STAP1: variants seen among roughly 807,000 people sequenced by gnomAD.
The protein encoded by STAP1 is signal transducing adaptor family member 1.
A neutral mutation model predicts 37.8 loss-of-function variants in STAP1; 30 were observed. That is an observed-to-expected ratio of 0.79 (90% CI 0.59 to 1.08). The LOEUF (loss-of-function observed/expected upper bound fraction) is 1.08. STAP1 is among the 50% of genes least tolerant of loss of function. The pLI is 0.00. For missense variants in STAP1, 357 were observed against 349.4 expected, an observed-to-expected ratio of 1.02 and a Z score of -0.17; for synonymous variants, 130 against 116.0, an observed-to-expected ratio of 1.12 and a Z score of -0.78.
intron 7 of STAP1, among the ~76,000 whole-genome samples, chr4:67,592,769 G>A (rs191235842): frequency 5.9e-5 from 9 of 152,100 alleles, no homozygotes; most frequent in African/African-American, 1.2e-4. Flanking sequence ...ATGCAGCCTC[G>A]AACTCCTGGA....
chr4:67,593,142 C>G, intron 7 of STAP1, 118 bp from the exon 8 acceptor site: 1 of 658,928 alleles, frequency 1.5e-6, no homozygotes, highest in South Asian at 2.2e-5. Flanking sequence ...TATGGTCATA[C>G]AGTAAGCCAT....
chr4:67,582,123 G>A (rs894133854), intron 5 of STAP1, among the ~76,000 whole-genome samples: 1 of 151,796 alleles, frequency 6.6e-6, no homozygotes, highest in South Asian at 2.1e-4. Flanking sequence ...ACTGAAACCC[G>A]CCAACCATCA....
chr4:67,560,643 G>GGGTGTGT (rs370510074), intron 1 of STAP1, among the ~76,000 whole-genome samples: 130 of 149,602 alleles, frequency 8.7e-4, no homozygotes, highest in African/African-American at 2.8e-3. Context: ...TGTGTGTGTG[G>GGGTGTGT]GTGTGTGTCT....
chr4:67,568,038 C>T (rs1280980520), intron 1 of STAP1, among the ~76,000 whole-genome samples: 3 of 151,988 alleles, frequency 2.0e-5, no homozygotes, highest in African/African-American at 7.3e-5. Context: ...AGAGTTCTAC[C>T]AAGAGCATAA....
chr4:67,589,590 CTTAA>C (rs1410338621), intron 6 of STAP1, among the ~76,000 whole-genome samples: 6 of 152,282 alleles, frequency 3.9e-5, no homozygotes, highest in South Asian at 4.1e-4. Flanking sequence ...AGGACAAATG[CTTAA>C]TTAGTGTGTC....
intron 7 of STAP1, 33 bp downstream of exon 7, chr4:67,590,986 T>A: frequency 1.3e-6 from 2 of 1,540,762 alleles, no homozygotes; most frequent in South Asian, 2.3e-5. Flanking sequence ...GTTGATGAAC[T>A]TCCTCCCGAT....
chr4:67,602,472 C>T (rs545944998), intron 8 of STAP1, among the ~76,000 whole-genome samples: 13 of 152,160 alleles, frequency 8.5e-5, no homozygotes, highest in African/African-American at 3.1e-4. Context: ...TTTGTTTGTA[C>T]CCATCCTTCT....
chr4:67,568,391 A>G (rs1158651160), intron 1 of STAP1, among the ~76,000 whole-genome samples: 1 of 152,208 alleles, frequency 6.6e-6, no homozygotes, highest in Non-Finnish European at 1.5e-5. Context: ...CATGTTTATT[A>G]AAATAACAGG....
rs757407635 is a variant in STAP1, at chr4:67,590,946, A to G, written c.722A>G (p.Glu241Gly). 2 of 1,609,972 alleles carry G rather than the reference A, an allele frequency of 1.2e-6. No individual in the cohort carries two copies. The highest frequency in any genetic ancestry group is 1.1e-5 in the South Asian group (1 of 90,656). ...SVGQNYTIELEKPVTLPNLFS... is the reference protein window; with the variant it reads ...SVGQNYTIELGKPVTLPNLFS... The stretch of plus-strand genomic sequence containing the variant: ...GGACAAAACTACACTATTGAACTGG[A>G]AAAACCTGTAAGTAACTATTTTTGT... Residue 241 changes from glutamate (E) to glycine (G), a missense_variant, in exon 7 of 9, where the codon GAA becomes GGA. Coordinates refer to ENST00000265404, the MANE Select transcript of STAP1 (RefSeq NM_012108.4).
intron 8 of STAP1, among the ~76,000 whole-genome samples, chr4:67,593,825 G>A (rs1728170705): frequency 6.6e-6 from 1 of 152,210 alleles, no homozygotes; most frequent in South Asian, 2.1e-4. Flanking sequence ...ATTCCACTAT[G>A]AAGGCAGAAG....
At chr4:67,595,902 A>G (rs1481041726) in intron 8 of STAP1, among the ~76,000 whole-genome samples, 2 of 152,200 alleles carry the variant, frequency 1.3e-5, no homozygotes, top group African/African-American at 2.4e-5. Context: ...TGAAGAATGC[A>G]ATATATTGGT....
intron 8 of STAP1, among the ~76,000 whole-genome samples, chr4:67,600,202 C>A (rs1728310559): frequency 6.6e-6 from 1 of 152,022 alleles, no homozygotes; most frequent in Admixed American, 6.6e-5. Context: ...TCTTGAATTG[C>A]CATTTTGATT....
rs3032636 is a variant in STAP1 at position 67,588,039 on chromosome 4, TAAAA to T, written c.660-2822_660-2819del. Among the ~76,000 whole-genome samples the T allele has an allele frequency of 1.4e-3, 123 of 85,632 alleles. 1 individual carries two copies. Among genetic ancestry groups the T allele is most frequent in the Non-Finnish European group, 1.9e-3 (90 of 47,852 alleles). 56.2% of individuals were successfully genotyped at this position (85,632 alleles called of 152,430 possible). ...GCACCCGGCTGGGGACACATTTTCT[TAAAA>T]AAAAAAAAAAAAAAAAAAAAAAGAC... is the stretch of plus-strand genomic sequence containing the variant. On this transcript the variant is annotated intron_variant, in intron 6 of 8. Transcript: ENST00000265404.
rs749627899 is a variant in STAP1, at chr4:67,593,318, A to C, written c.788A>C (p.Asn263Thr). The C allele has an allele frequency of 1.4e-5, 22 of 1,613,276 alleles. No homozygotes were observed. In the Middle Eastern group the frequency reaches 4.9e-4, roughly 36 times the overall value. The change falls in exon 8 of 9, where the codon AAT (asparagine) becomes ACT (threonine). Residue 263 changes from asparagine to threonine, a missense_variant. Physicochemically the swap from Asn to Thr is moderately conservative, Grantham distance 65. Transcript: ENST00000265404. ...TATTTTGTGAAGGAGACTCGAGGAA[A>C]TTTAAGACCATTTATATGTTCAACT... ...IDYFVKETRG[N>T]LRPFICSTDE... is the part of the protein sequence containing the mutation.
At chr4:67,605,918 A>AT (rs1482166819) in intron 8 of STAP1, among the ~76,000 whole-genome samples, 1 of 152,090 alleles carries the variant, frequency 6.6e-6, no homozygotes, top group Non-Finnish European at 1.5e-5. Flanking sequence ...AGAAAATAAG[A>AT]TTTTTTTGAT....
chr4:67,583,967 A>C (rs1241911796), intron 6 of STAP1, among the ~76,000 whole-genome samples: 3 of 151,996 alleles, frequency 2.0e-5, no homozygotes, highest in Non-Finnish European at 4.4e-5. Context: ...GCGTGGTGGC[A>C]CGTGCCTGTA....
chr4:67,566,476 G>T (rs1727473607), intron 1 of STAP1, among the ~76,000 whole-genome samples: 4 of 152,172 alleles, frequency 2.6e-5, no homozygotes, highest in African/African-American at 4.8e-5. Context: ...CAGATTAAGA[G>T]CCACAAGCTG....
chr4:67,579,558 C>T (rs974763094), intron 4 of STAP1, among the ~76,000 whole-genome samples: 1 of 152,144 alleles, frequency 6.6e-6, no homozygotes, highest in Non-Finnish European at 1.5e-5. Context: ...GTGCCAGCAT[C>T]TGCTCAGCTT....
chr4:67,601,358 T>C (rs1443339907), intron 8 of STAP1, among the ~76,000 whole-genome samples: 1 of 152,234 alleles, frequency 6.6e-6, no homozygotes, highest in Non-Finnish European at 1.5e-5. Flanking sequence ...GTTCATCTTT[T>C]AATCTTTCTA....
Sources: allele counts gnomAD v4.1 joint callset (sites outside exome capture counted in the v4.1 genomes callset), GRCh38; gene constraint gnomAD v4.1.1; transcripts MANE v1.5; gene names NCBI Gene and HGNC (gene_info 2026-07-23, HGNC 2026-07-21).